Variants in HPSE2 observed in about 807,000 individuals in gnomAD.
The protein encoded by HPSE2 is heparanase 2 (inactive).
Under a neutral mutation model 60.5 loss-of-function variants are expected in HPSE2, and 38 were observed. The observed-to-expected ratio is 0.63, with a 90% CI of 0.48 to 0.82. The LOEUF (loss-of-function observed/expected upper bound fraction) is 0.82. Among genes scored for constraint, HPSE2 ranks in the 40% least tolerant of loss-of-function variants. The pLI, the probability that HPSE2 is intolerant of heterozygous loss-of-function variation, is 0.00. For synonymous variants in HPSE2, 295 were observed against 293.2 expected, an observed-to-expected ratio of 1.01 and a Z score of -0.06; for missense variants, 713 against 740.4, an observed-to-expected ratio of 0.96 and a Z score of 0.43.
Position 98,864,646 on chromosome 10 carries a change from G to A in HPSE2, c.611-120590C>T, listed in dbSNP as rs117371706. On this transcript the variant is annotated intron_variant, in intron 3 of 11. Coordinates refer to ENST00000370552, the MANE Select transcript of HPSE2 (RefSeq NM_021828.5). ...CACTATACATGGTACATTTCCTAGA[G>A]CAGCTAATAGGACACTCACAAACAC... Among the ~76,000 whole-genome samples, 57 of 152,204 alleles carry A rather than the reference G, an allele frequency of 3.7e-4. No homozygotes were observed. In the East Asian group the frequency reaches 0.01, roughly 27 times the overall value.
chr10:98,511,901 T>C (rs1265568911), intron 9 of HPSE2, among the ~76,000 whole-genome samples: 1 of 152,222 alleles, frequency 6.6e-6, no homozygotes, highest in African/African-American at 2.4e-5. Context: ...CGAAGTGTGA[T>C]GGCAAAATGA....
chr10:98,569,651 C>A (rs1351520044), intron 9 of HPSE2, among the ~76,000 whole-genome samples: 1 of 152,128 alleles, frequency 6.6e-6, no homozygotes, highest in East Asian at 1.9e-4. Context: ...TTGGTCTCTA[C>A]CAAGAAGTAT....
chr10:98,654,333 CCTT>C (rs933983466), intron 6 of HPSE2, among the ~76,000 whole-genome samples: 32 of 151,978 alleles, frequency 2.1e-4, no homozygotes, highest in African/African-American at 7.7e-4. Context: ...TCTGTTTTCT[CCTT>C]CTTCTCCTTC....
At chr10:98,567,193 C>T (rs1043237067) in intron 9 of HPSE2, among the ~76,000 whole-genome samples, 5 of 152,130 alleles carry the variant, frequency 3.3e-5, no homozygotes, top group Admixed American at 1.3e-4. Flanking sequence ...AAAGGGATTC[C>T]TACTGTAGTG....
At chr10:99,210,448 C>G (rs978297663) in intron 2 of HPSE2, among the ~76,000 whole-genome samples, 1 of 152,136 alleles carries the variant, frequency 6.6e-6, no homozygotes, top group Non-Finnish European at 1.5e-5. Flanking sequence ...GATACAAAAG[C>G]CAGACGATGA....
the HPSE2 span, among the ~76,000 whole-genome samples, chr10:99,253,371 C>CA: frequency 6.6e-6 from 1 of 151,972 alleles, no homozygotes; most frequent in Non-Finnish European, 1.5e-5. Flanking sequence ...TTAACAACAA[C>CA]AAAAAAAGCA....
At chr10:98,566,728 T>C (rs191128215) in intron 9 of HPSE2, among the ~76,000 whole-genome samples, 2 of 152,084 alleles carry the variant, frequency 1.3e-5, no homozygotes, top group Non-Finnish European at 2.9e-5. Flanking sequence ...CTGAACACAA[T>C]GTGCTTATGT....
chr10:99,196,411 T>C (rs1223565035), intron 2 of HPSE2, among the ~76,000 whole-genome samples: 1 of 151,736 alleles, frequency 6.6e-6, no homozygotes, highest in Non-Finnish European at 1.5e-5. Flanking sequence ...ACCAACAAAG[T>C]GAAGAGACAA....
chr10:98,866,404 A>G (rs992154521), intron 3 of HPSE2, among the ~76,000 whole-genome samples: 1 of 152,104 alleles, frequency 6.6e-6, no homozygotes, highest in Admixed American at 6.6e-5. Flanking sequence ...ACATAGAGAT[A>G]ATTGGTGTCT....
At chr10:98,474,550 C>T (rs1199229373) in intron 11 of HPSE2, among the ~76,000 whole-genome samples, 2 of 151,988 alleles carry the variant, frequency 1.3e-5, no homozygotes, top group African/African-American at 4.8e-5. Flanking sequence ...CAGTTAGATG[C>T]CAATGTTTTT....
chr10:99,113,498 G>A (rs1400222132), intron 3 of HPSE2, among the ~76,000 whole-genome samples: 1 of 151,964 alleles, frequency 6.6e-6, no homozygotes, highest in Non-Finnish European at 1.5e-5. Context: ...TATTACATAT[G>A]CACCTACTGC....
intron 3 of HPSE2, among the ~76,000 whole-genome samples, chr10:98,837,813 A>G (rs1209593794): frequency 1.3e-5 from 2 of 151,834 alleles, no homozygotes; most frequent in Admixed American, 6.6e-5. Flanking sequence ...GGCGGAGCTT[A>G]CAGTGAGCCG....
At chr10:98,678,841 A>T (rs532960105) in intron 6 of HPSE2, among the ~76,000 whole-genome samples, 9 of 152,230 alleles carry the variant, frequency 5.9e-5, no homozygotes, top group Non-Finnish European at 1.0e-4. Context: ...AAATGCAGAA[A>T]GTAGGATTTC....
At chr10:99,141,901 C>A (rs1386445619) in intron 3 of HPSE2, among the ~76,000 whole-genome samples, 1 of 152,234 alleles carries the variant, frequency 6.6e-6, no homozygotes, top group South Asian at 2.1e-4. Context: ...TCTTAGTTGT[C>A]CCATTTTTAA....
intron 3 of HPSE2, among the ~76,000 whole-genome samples, chr10:98,755,677 G>C (rs950675151): frequency 3.3e-5 from 5 of 152,100 alleles, no homozygotes; most frequent in Non-Finnish European, 7.4e-5. Context: ...TCAGACCACA[G>C]TGCAATACAA....
intron 7 of HPSE2, among the ~76,000 whole-genome samples, chr10:98,629,258 T>C (rs1386838398): frequency 6.6e-6 from 1 of 152,226 alleles, no homozygotes; most frequent in African/African-American, 2.4e-5. Flanking sequence ...GCATCTCATC[T>C]AGTTGGAAAT....
chr10:99,284,218 G>T, the HPSE2 span, among the ~76,000 whole-genome samples: 1 of 152,044 alleles, frequency 6.6e-6, no homozygotes, highest in East Asian at 1.9e-4. Context: ...GGAATGCAAG[G>T]ATGGTTCAAC....
chr10:98,592,605 T>C (rs1945120372), intron 9 of HPSE2, among the ~76,000 whole-genome samples: 1 of 152,204 alleles, frequency 6.6e-6, no homozygotes. Context: ...AGGAAATATC[T>C]CCAATCATTT....
chr10:99,242,698 G>C, the HPSE2 span, among the ~76,000 whole-genome samples: 1 of 152,172 alleles, frequency 6.6e-6, no homozygotes, highest in Admixed American at 6.5e-5. Flanking sequence ...GAGTCTGATA[G>C]ACTGATTAAA....
Sources: allele counts gnomAD v4.1 joint callset (sites outside exome capture counted in the v4.1 genomes callset), GRCh38; gene constraint gnomAD v4.1.1; transcripts MANE v1.5; gene names NCBI Gene and HGNC (gene_info 2026-07-23, HGNC 2026-07-21).